ASIC2: variants seen among roughly 807,000 people sequenced by gnomAD.
ASIC2 encodes the protein acid-sensing ion channel 2.
A neutral mutation model predicts 57.3 loss-of-function variants in ASIC2; 25 were observed. That is an observed-to-expected ratio of 0.44 (90% CI 0.32 to 0.61). The LOEUF is 0.61. Among genes scored for constraint, ASIC2 ranks in the 20% least tolerant of loss-of-function variants. ASIC2 has a pLI of 0.06. For synonymous variants in ASIC2, 319 were observed against 307.5 expected (o/e 1.04, Z -0.39); for missense variants, 641 against 738.1 (o/e 0.87, Z 1.52).
In ASIC2 at chr17:33,271,835, T is replaced by G. The variant is rs748898924; in HGVS notation, c.708+19573A>C. On this transcript the variant is annotated intron_variant, in intron 1 of 9. Transcript: ENST00000225823. ...TATTAACTCATGGCACTCTCATTCCTAAGCCCTCCAGTGGCTTCTCACTGC... is the reference window on the plus strand; with the variant it reads ...TATTAACTCATGGCACTCTCATTCCGAAGCCCTCCAGTGGCTTCTCACTGC... Among the ~76,000 whole-genome samples, 4 of 152,366 alleles carry G rather than the reference T, an allele frequency of 2.6e-5. No homozygotes were observed. In the East Asian group the frequency reaches 7.7e-4, roughly 29 times the overall value.
chr17:34,083,873 G>C (rs1465638484), intron 1 of ASIC2, among the ~76,000 whole-genome samples: 1 of 152,046 alleles, frequency 6.6e-6, no homozygotes, highest in African/African-American at 2.4e-5. Context: ...GGGGTTGTTT[G>C]TTTTTTTCTT....
chr17:34,096,991 T>C (rs1324609422), intron 1 of ASIC2, among the ~76,000 whole-genome samples: 1 of 150,112 alleles, frequency 6.7e-6, no homozygotes, highest in Non-Finnish European at 1.5e-5. Flanking sequence ...ATGCAAACTC[T>C]CTAAACTCAT....
Position 33,806,876 on chromosome 17 carries a change from T to G in ASIC2, c.555+349102A>C, listed in dbSNP as rs1912281838. Among the ~76,000 whole-genome samples the G allele has an allele frequency of 2.0e-5, 3 of 152,216 alleles. No individual in the cohort carries two copies. The South Asian group carries it at 6.2e-4, about 32-fold the overall frequency. ...GTGTTTTAACAACAGTGATAGCATCTGCAGAACAACCAAGATGTCAGTGTC... is the reference window on the plus strand; with the variant it reads ...GTGTTTTAACAACAGTGATAGCATCGGCAGAACAACCAAGATGTCAGTGTC... On this transcript the variant is annotated intron_variant, in intron 1 of 9. Transcript: ENST00000359872.
chr17:33,547,718 T>C (rs951115124), intron 1 of ASIC2, among the ~76,000 whole-genome samples: 24 of 152,200 alleles, frequency 1.6e-4, no homozygotes, highest in Non-Finnish European at 2.9e-4. Context: ...TAATTGTCCC[T>C]GGTTGCTGCC....
chr17:33,131,280 C>T (rs2142006878), intron 1 of ASIC2, among the ~76,000 whole-genome samples: 1 of 152,232 alleles, frequency 6.6e-6, no homozygotes, highest in Middle Eastern at 3.4e-3. Flanking sequence ...TACATAGACC[C>T]TTCTATTGAT....
intron 1 of ASIC2, among the ~76,000 whole-genome samples, chr17:33,810,097 GA>G (rs979695119): frequency 1.6e-4 from 24 of 151,756 alleles, no homozygotes; most frequent in Non-Finnish European, 3.1e-4. Flanking sequence ...ATATGCATTT[GA>G]AAAAAAATCA....
chr17:33,179,373 G>A (rs1206990801), intron 1 of ASIC2, among the ~76,000 whole-genome samples: 7 of 152,110 alleles, frequency 4.6e-5, no homozygotes, highest in Middle Eastern at 3.2e-3. Flanking sequence ...ATGCAGACAC[G>A]TCTGGCTTTG....
intron 1 of ASIC2, among the ~76,000 whole-genome samples, chr17:34,052,862 AC>A (rs1908622723): frequency 6.6e-6 from 1 of 151,448 alleles, no homozygotes; most frequent in African/African-American, 2.4e-5. Context: ...CAGGTGATCC[AC>A]CCGCCTCGCC....
intron 1 of ASIC2, among the ~76,000 whole-genome samples, chr17:33,317,025 T>C (rs2142211316): frequency 6.6e-6 from 1 of 152,366 alleles, no homozygotes; most frequent in Middle Eastern, 3.4e-3. Context: ...TGGGTCCAGT[T>C]GCCGGGAGAA....
chr17:33,565,617 G>A (rs987769406), intron 1 of ASIC2: 1 of 152,242 alleles, frequency 6.6e-6, no homozygotes, highest in Admixed American at 6.5e-5. Flanking sequence ...TCCCACCTCA[G>A]GTGACTCCAC....
chr17:33,456,234 G>T (rs1232755030), intron 1 of ASIC2, among the ~76,000 whole-genome samples: 1 of 152,004 alleles, frequency 6.6e-6, no homozygotes, highest in African/African-American at 2.4e-5. Flanking sequence ...GAGTTTGGTG[G>T]CACTTCCCAC....
At chr17:33,417,941 C>A (rs1251259866) in intron 1 of ASIC2, among the ~76,000 whole-genome samples, 2 of 151,918 alleles carry the variant, frequency 1.3e-5, no homozygotes, top group Non-Finnish European at 2.9e-5. Flanking sequence ...CCCTTCTGTG[C>A]TTGCAGCCCA....
chr17:34,002,996 G>C (rs966898252), intron 1 of ASIC2: 1 of 152,228 alleles, frequency 6.6e-6, no homozygotes, highest in Admixed American at 6.5e-5. Flanking sequence ...AGGAATGAAT[G>C]ATGCCTATCA....
intron 1 of ASIC2, among the ~76,000 whole-genome samples, chr17:33,562,171 C>T (rs1916092939): frequency 1.3e-5 from 2 of 152,164 alleles, no homozygotes; most frequent in African/African-American, 2.4e-5. Context: ...GGGCCAAATG[C>T]CCCTTTCACC....
chr17:34,115,999 A>G (rs1421602659), intron 1 of ASIC2, among the ~76,000 whole-genome samples: 1 of 152,230 alleles, frequency 6.6e-6, no homozygotes, highest in Non-Finnish European at 1.5e-5. Flanking sequence ...GGGCAGGAAG[A>G]AAGGGAAAGC....
intron 1 of ASIC2, among the ~76,000 whole-genome samples, chr17:34,129,916 G>C (rs1164808145): frequency 6.6e-6 from 1 of 152,148 alleles, no homozygotes; most frequent in East Asian, 1.9e-4. Context: ...CCTCTCAAGG[G>C]GGTCCACTGA....
chr17:33,915,717 C>G (rs1915569180), intron 1 of ASIC2, among the ~76,000 whole-genome samples: 1 of 152,212 alleles, frequency 6.6e-6, no homozygotes, highest in Non-Finnish European at 1.5e-5. Context: ...TCATAGCATG[C>G]ATTTTCCCTT....
chr17:33,996,119 T>C (rs1906152126), intron 1 of ASIC2, among the ~76,000 whole-genome samples: 1 of 152,212 alleles, frequency 6.6e-6, no homozygotes. Context: ...ACATTTTTTT[T>C]CATATACCTT....
At chr17:33,814,592 A>AT in intron 1 of ASIC2, among the ~76,000 whole-genome samples, 1 of 152,368 alleles carries the variant, frequency 6.6e-6, no homozygotes, top group Non-Finnish European at 1.5e-5. Flanking sequence ...GTGCTTCTAC[A>AT]TTGGGTGTAC....
Sources: allele counts gnomAD v4.1 joint callset (sites outside exome capture counted in the v4.1 genomes callset), GRCh38; gene constraint gnomAD v4.1.1; transcripts MANE v1.5; gene names NCBI Gene and HGNC (gene_info 2026-07-23, HGNC 2026-07-21).